Variants in KCNMA1 observed in about 807,000 individuals in gnomAD.
The protein encoded by KCNMA1 is Calcium-activated potassium channel subunit alpha-1.
In KCNMA1, 29 loss-of-function variants were observed where a neutral mutation model predicts 140.0. That is an observed-to-expected ratio of 0.21 (90% confidence interval 0.15 to 0.28). KCNMA1 has a LOEUF of 0.28. KCNMA1 is among the 10% of genes least tolerant of loss of function. The pLI is 1.00. For missense variants in KCNMA1, 880 were observed against 1,602.2 expected, an observed-to-expected ratio of 0.55 and a Z score of 7.70; for synonymous variants, 612 against 611.9, an observed-to-expected ratio of 1.00 and a Z score of 0.00.
chr10:77,300,092 C>A (rs759095522), intron 2 of KCNMA1, among the ~76,000 whole-genome samples: 33 of 152,304 alleles, frequency 2.2e-4, no homozygotes, highest in Middle Eastern at 3.4e-3. Flanking sequence ...GGACTTCAAG[C>A]CAGATTTCAT....
At chr10:77,009,751 C>T (rs1474212820) in intron 18 of KCNMA1, among the ~76,000 whole-genome samples, 1 of 152,158 alleles carries the variant, frequency 6.6e-6, no homozygotes, top group Non-Finnish European at 1.5e-5. Context: ...CTGACCTTGA[C>T]CTTTGCTCGT....
Position 77,550,507 on chromosome 10 carries a change from C to A in KCNMA1, c.378+86758G>T, listed in dbSNP as rs115719415. On this transcript the variant is annotated intron_variant, in intron 1 of 27. Transcript: ENST00000286628. The stretch of plus-strand genomic sequence containing the variant: ...ATTAACTTACTGTTGTGCCATCTAC[C>A]CAGTTGTCAGTGTGCCTGTCTCAGC... 3.1e-3 allele frequency among the ~76,000 whole-genome samples: 471 copies of A among 152,252 alleles called. 3 individuals are homozygous for A. The highest frequency in any genetic ancestry group is 0.011 in the African/African-American group (452 of 41,508).
intron 22 of KCNMA1, among the ~76,000 whole-genome samples, chr10:76,947,928 T>C (rs967417660): frequency 6.6e-6 from 1 of 152,336 alleles, no homozygotes; most frequent in African/African-American, 2.4e-5. Flanking sequence ...AAATAATACA[T>C]TTTAGCTTTG....
intron 1 of KCNMA1, among the ~76,000 whole-genome samples, chr10:77,535,941 G>T (rs1434674853): frequency 6.6e-6 from 1 of 152,210 alleles, no homozygotes; most frequent in Non-Finnish European, 1.5e-5. Context: ...AAACATACAG[G>T]TAGATAGAAG....
chr10:77,198,485 T>G (rs1429102536), intron 3 of KCNMA1, among the ~76,000 whole-genome samples: 1 of 151,594 alleles, frequency 6.6e-6, no homozygotes, highest in African/African-American at 2.4e-5. Flanking sequence ...ATATTGACCA[T>G]TTAGCAGAAC....
intron 1 of KCNMA1, among the ~76,000 whole-genome samples, chr10:77,471,560 G>A (rs953386365): frequency 7.8e-5 from 11 of 140,264 alleles, no homozygotes; most frequent in African/African-American, 3.0e-4. Context: ...ACCATACACT[G>A]CACACACTCC....
chr10:77,401,246 T>C (rs986711564), intron 2 of KCNMA1, among the ~76,000 whole-genome samples: 9 of 151,878 alleles, frequency 5.9e-5, no homozygotes, highest in Admixed American at 2.0e-4. Flanking sequence ...AAGTTCCGCC[T>C]CCTGGGTCCG....
rs185326658 is a variant in KCNMA1 at position 76,964,148 on chromosome 10, C to T, written c.2360+5826G>A. Reference sequence around the variant, plus strand: ...ACCCCCGAGACACCACTGCCCACCACCCTCTCCCCATCTCCCACTTGACGG... The same window carrying T: ...ACCCCCGAGACACCACTGCCCACCATCCTCTCCCCATCTCCCACTTGACGG... On this transcript the variant is annotated intron_variant, in intron 20 of 27. Transcript: ENST00000286628. 2.5e-3 allele frequency among the ~76,000 whole-genome samples: 381 copies of T among 152,034 alleles called. 2 individuals are homozygous for T. The highest frequency in any genetic ancestry group is 3.4e-3 in the Middle Eastern group (1 of 294).
chr10:77,111,456 T>C (rs867204939), intron 7 of KCNMA1, among the ~76,000 whole-genome samples: 4 of 152,296 alleles, frequency 2.6e-5, no homozygotes, highest in African/African-American at 9.6e-5. Flanking sequence ...AACTATCTCC[T>C]CCACATATGT....
At chr10:77,349,918 G>C (rs983992099) in intron 2 of KCNMA1, among the ~76,000 whole-genome samples, 2 of 152,084 alleles carry the variant, frequency 1.3e-5, no homozygotes, top group Non-Finnish European at 2.9e-5. Flanking sequence ...TTTTGAGACA[G>C]AGTCTCGCTC....
At chr10:77,395,202 T>C (rs1269452798) in intron 2 of KCNMA1, among the ~76,000 whole-genome samples, 4 of 151,676 alleles carry the variant, frequency 2.6e-5, no homozygotes, top group African/African-American at 9.7e-5. Flanking sequence ...TAAGAAAACA[T>C]AGCATGTCAT....
At chr10:77,430,040 G>T (rs1043680439) in intron 1 of KCNMA1, among the ~76,000 whole-genome samples, 1 of 152,132 alleles carries the variant, frequency 6.6e-6, no homozygotes, top group Non-Finnish European at 1.5e-5. Flanking sequence ...GTCACAATTT[G>T]GTTTGTGAAA....
At chr10:77,005,681 C>T (rs141358650) in intron 18 of KCNMA1, among the ~76,000 whole-genome samples, 464 of 152,252 alleles carry the variant, frequency 3.0e-3, no homozygotes, top group African/African-American at 5.1e-3. Flanking sequence ...CACCTTCCTC[C>T]GAAGACCTAG....
chr10:76,883,886 A>G (rs572913383), downstream of KCNMA1: 7 of 425,150 alleles, frequency 1.6e-5, no homozygotes, highest in South Asian at 3.9e-4. Flanking sequence ...TCTATTAAGG[A>G]AAGTATAATA....
intron 2 of KCNMA1, among the ~76,000 whole-genome samples, chr10:77,299,756 C>A (rs2076115063): frequency 6.6e-6 from 1 of 152,184 alleles, no homozygotes; most frequent in Non-Finnish European, 1.5e-5. Context: ...CCTACACTCC[C>A]CTTTTCCATT....
At chr10:76,917,373 G>A (rs761566454) in intron 23 of KCNMA1, among the ~76,000 whole-genome samples, 1 of 152,128 alleles carries the variant, frequency 6.6e-6, no homozygotes, top group African/African-American at 2.4e-5. Flanking sequence ...CAGGTCACAC[G>A]GTATTAGGAA....
rs112657089 is a variant in KCNMA1 at position 77,375,749 on chromosome 10, A to C, written c.540+28113T>G. On this transcript the variant is annotated intron_variant, in intron 2 of 27. Coordinates refer to ENST00000286628, the MANE Select transcript of KCNMA1 (RefSeq NM_001161352.2). ...CTCAGTTGCAGAGAGCTACCTGGCC[A>C]GAGGTCATGCCCTTCAGGGGCAGCC... Among the ~76,000 whole-genome samples the C allele has an allele frequency of 5.6e-3, 857 of 152,368 alleles. 10 individuals are homozygous for C. Among genetic ancestry groups the C allele is most frequent in the African/African-American group, 0.017 (715 of 41,592 alleles).
chr10:77,256,380 C>T (rs2154259739), intron 2 of KCNMA1, among the ~76,000 whole-genome samples: 1 of 152,198 alleles, frequency 6.6e-6, no homozygotes, highest in African/African-American at 2.4e-5. Flanking sequence ...ATGCCCTCAT[C>T]CCACCCTAGG....
rs751530018 is a variant in KCNMA1 at position 77,012,031 on chromosome 10, G to A, written c.2028C>T (p.Tyr676=). 1.2e-6 allele frequency: 2 copies of A among 1,613,770 alleles called. No homozygotes were observed. The highest frequency in any genetic ancestry group is 1.7e-6 in the Non-Finnish European group (2 of 1,179,862). Residue 676 remains tyrosine, a synonymous_variant, in exon 18 of 28, where the codon TAC becomes TAT. Transcript: ENST00000286628. ...DAKEVKRAFF[Y]CKACHDDITD... ...TGATGTCATCATGACAGGCCTTGCAGTAAAAAAATGCCCTGGAGAAAGAGA... is the reference window on the plus strand; with the variant it reads ...TGATGTCATCATGACAGGCCTTGCAATAAAAAAATGCCCTGGAGAAAGAGA...
Sources: allele counts gnomAD v4.1 joint callset (sites outside exome capture counted in the v4.1 genomes callset), GRCh38; gene constraint gnomAD v4.1.1; transcripts MANE v1.5; gene names NCBI Gene and HGNC (gene_info 2026-07-23, HGNC 2026-07-21).